Variants in BCKDHB observed in about 807,000 individuals in gnomAD.
BCKDHB encodes the protein 2-oxoisovalerate dehydrogenase subunit beta, mitochondrial.
In BCKDHB, 41 loss-of-function variants were observed where a neutral mutation model predicts 48.5. That is an observed-to-expected ratio of 0.85 (90% confidence interval 0.66 to 1.10). BCKDHB has a LOEUF of 1.10. Among genes scored for constraint, BCKDHB ranks in the 50% least tolerant of loss-of-function variants. The pLI, the probability that BCKDHB is intolerant of heterozygous loss-of-function variation, is 0.00. For missense variants in BCKDHB, 496 were observed against 494.2 expected (o/e 1.00, Z -0.03); for synonymous variants, 201 against 174.8 (o/e 1.15, Z -1.18).
chr6:80,185,066 C>T (rs975406558), intron 6 of BCKDHB, among the ~76,000 whole-genome samples: 2 of 152,290 alleles, frequency 1.3e-5, no homozygotes, highest in East Asian at 3.9e-4. Flanking sequence ...TCCTCAGGAA[C>T]ACCAATTATT....
rs1770725388 is a variant in BCKDHB at position 80,133,337 on chromosome 6, G to T, written c.343+4108G>T. ...CAATGCTATAAGAAAAGGAAGAGAGGCATAGAGCATTTTGTATTCCAGACG... is the reference window on the plus strand; with the variant it reads ...CAATGCTATAAGAAAAGGAAGAGAGTCATAGAGCATTTTGTATTCCAGACG... On this transcript the variant is annotated intron_variant, in intron 3 of 9. Transcript: ENST00000320393. Among the ~76,000 whole-genome samples, 2 of 152,212 alleles carry T rather than the reference G, an allele frequency of 1.3e-5. 1 individual carries two copies. The highest frequency in any genetic ancestry group is 4.1e-4 in the South Asian group (2 of 4,834).
At chr6:80,299,788 C>G (rs184428964) in intron 9 of BCKDHB, among the ~76,000 whole-genome samples, 1 of 152,236 alleles carries the variant, frequency 6.6e-6, no homozygotes, top group Non-Finnish European at 1.5e-5. Flanking sequence ...CACTATAAAT[C>G]AACTACACAA....
At chr6:80,251,201 A>G (rs888796305) in intron 8 of BCKDHB, among the ~76,000 whole-genome samples, 7 of 152,170 alleles carry the variant, frequency 4.6e-5, no homozygotes, top group African/African-American at 1.7e-4. Context: ...TCTTGTTGTT[A>G]ACAATACCTC....
At chr6:80,443,129 A>G in the BCKDHB span, among the ~76,000 whole-genome samples, 1 of 152,114 alleles carries the variant, frequency 6.6e-6, no homozygotes, top group African/African-American at 2.4e-5. Context: ...ATATGGCTCT[A>G]AGCATCCCTT....
At chr6:80,140,175 A>G (rs958394573) in intron 3 of BCKDHB, among the ~76,000 whole-genome samples, 24 of 152,298 alleles carry the variant, frequency 1.6e-4, no homozygotes, top group Middle Eastern at 6.8e-3. Context: ...ACTTTGCTGA[A>G]GTTGCTTATC....
At chr6:80,360,600 G>T in the BCKDHB span, among the ~76,000 whole-genome samples, 1 of 152,104 alleles carries the variant, frequency 6.6e-6, no homozygotes, top group Non-Finnish European at 1.5e-5. Flanking sequence ...TTTATTAGAA[G>T]AAATCGACTG....
At chr6:80,155,060 T>G (rs72908850) in intron 3 of BCKDHB, among the ~76,000 whole-genome samples, 7,793 of 152,256 alleles carry the variant, frequency 0.051, 251 homozygotes, top group Non-Finnish European at 0.079. Context: ...AAATCAAAGT[T>G]TGAAGTAGCC....
chr6:80,151,419 CTT>C (rs529086862), intron 3 of BCKDHB, among the ~76,000 whole-genome samples: 8 of 142,382 alleles, frequency 5.6e-5, no homozygotes, highest in African/African-American at 1.0e-4. Context: ...TTAAAACTAA[CTT>C]TTTTTTTTTT....
chr6:80,427,228 C>A, the BCKDHB span, among the ~76,000 whole-genome samples: 96,813 of 151,850 alleles, frequency 0.64, 36,419 homozygotes, highest in East Asian at 0.84. Context: ...GGTTTATTAG[C>A]GCTAATTCTT....
At chr6:80,247,492 AC>A (rs1776664647) in intron 8 of BCKDHB, among the ~76,000 whole-genome samples, 1 of 152,234 alleles carries the variant, frequency 6.6e-6, no homozygotes, top group African/African-American at 2.4e-5. Flanking sequence ...AAGATATGTT[AC>A]AGGTGAGCTA....
the BCKDHB span, among the ~76,000 whole-genome samples, chr6:80,428,126 G>T: frequency 1.3e-5 from 2 of 151,614 alleles, no homozygotes; most frequent in South Asian, 4.2e-4. Context: ...TGCGGTGTTT[G>T]GTTTTCTGTT....
At chr6:80,365,444 GTATTAA>G in the BCKDHB span, among the ~76,000 whole-genome samples, 1 of 151,958 alleles carries the variant, frequency 6.6e-6, no homozygotes, top group African/African-American at 2.4e-5. Flanking sequence ...CTTTCCCAGG[GTATTAA>G]TATTAATATT....
the BCKDHB span, among the ~76,000 whole-genome samples, chr6:80,379,667 C>T: frequency 6.6e-6 from 1 of 152,032 alleles, no homozygotes; most frequent in Non-Finnish European, 1.5e-5. Context: ...TCTCTGTTTG[C>T]TGATGACACA....
chr6:80,377,960 G>A, the BCKDHB span, among the ~76,000 whole-genome samples: 2 of 152,042 alleles, frequency 1.3e-5, no homozygotes, highest in African/African-American at 4.8e-5. Flanking sequence ...GTGAACACGA[G>A]ATATTTTTCC....
chr6:80,181,920 AG>A, intron 6 of BCKDHB, among the ~76,000 whole-genome samples: 1 of 152,164 alleles, frequency 6.6e-6, no homozygotes, highest in South Asian at 2.1e-4. Context: ...GTACAAACAA[AG>A]ATAAAAGGAA....
chr6:80,273,131 T>G lies in BCKDHB; in HGVS notation c.952-4T>G. 6.2e-7 allele frequency: 1 copy of G among 1,612,134 alleles called. No homozygotes were observed. The highest frequency in any genetic ancestry group is 8.5e-7 in the Non-Finnish European group (1 of 1,178,512). ...TAACATCAGGTTTTTCTTTTCTCTT[T>G]CAGTCTGTGATCAAAACAGGGCGAC... On this transcript the variant is annotated splice_region_variant and splice_polypyrimidine_tract_variant and intron_variant, in intron 8 of 9. Coordinates refer to ENST00000320393, the MANE Select transcript of BCKDHB (RefSeq NM_183050.4).
At chr6:80,288,684 C>T (rs1196122635) in intron 9 of BCKDHB, among the ~76,000 whole-genome samples, 1 of 151,820 alleles carries the variant, frequency 6.6e-6, no homozygotes, top group Non-Finnish European at 1.5e-5. Context: ...TTGCCTAAGC[C>T]GACTGTACTT....
intron 8 of BCKDHB, among the ~76,000 whole-genome samples, chr6:80,220,065 A>T (rs2127858336): frequency 6.6e-6 from 1 of 152,136 alleles, no homozygotes; most frequent in East Asian, 1.9e-4. Context: ...ATATTTAAGG[A>T]TAATTATATT....
the BCKDHB span, among the ~76,000 whole-genome samples, chr6:80,404,379 C>G: frequency 2.0e-4 from 31 of 151,922 alleles, no homozygotes; most frequent in Admixed American, 1.8e-3. Context: ...ATAATCTCTT[C>G]TATTCCTTTG....
Sources: allele counts gnomAD v4.1 joint callset (sites outside exome capture counted in the v4.1 genomes callset), GRCh38; gene constraint gnomAD v4.1.1; transcripts MANE v1.5; gene names NCBI Gene and HGNC (gene_info 2026-07-23, HGNC 2026-07-21).